Variants in TRIM6 observed in about 807,000 individuals in gnomAD.
TRIM6 encodes tripartite motif containing 6, also known as tripartite motif-containing protein 6.
TRIM6 carries 43 observed loss-of-function variants against 51.2 expected under a neutral mutation model. The ratio of observed to expected loss-of-function variants is 0.84; its 90% CI spans 0.66 to 1.08. TRIM6 has a LOEUF of 1.08. Among genes scored for constraint, TRIM6 ranks in the 50% least tolerant of loss-of-function variants. TRIM6 has a pLI of 0.00. For synonymous variants in TRIM6, 215 were observed against 232.4 expected, an observed-to-expected ratio of 0.93 and a Z score of 0.68; for missense variants, 669 against 619.0, an observed-to-expected ratio of 1.08 and a Z score of -0.86.
chr11:5,596,724 C>T lies in TRIM6; in HGVS notation c.-174C>T, dbSNP rs935139646. The T allele has an allele frequency of 3.0e-6, 3 of 985,710 alleles. No homozygotes were observed. Among genetic ancestry groups the T allele is most frequent in the East Asian group, 2.6e-5 (1 of 38,420 alleles). 61.1% of individuals were successfully genotyped at this position (985,710 alleles called of 1,614,324 possible). A position where few individuals can be genotyped will look rare whatever the true frequency, so the allele number is the denominator to read the frequency against. On this transcript the variant is annotated 5_prime_UTR_variant, in exon 1 of 8. Transcript: ENST00000380097. ...CCAAAGGCTGGCGGAGGAGGGATCC[C>T]CTGCCTTTCTCGGAACGGAACGGAG...
chr11:5,610,479 C>T (rs750436924), intron 6 of TRIM6, 56 bp from the exon 7 acceptor site: 10 of 1,613,296 alleles, frequency 6.2e-6, no homozygotes, highest in East Asian at 2.2e-5. Context: ...GAGAGAGATA[C>T]CAGACATGAG....
intron 1 of TRIM6, 121 bp from the exon 2 acceptor site, chr11:5,603,125 G>C: frequency 6.8e-7 from 1 of 1,478,036 alleles, no homozygotes; most frequent in Non-Finnish European, 9.0e-7. Context: ...TTGGATATGA[G>C]AATGAGAAGC....
At chr11:5,608,342 C>T (rs757415952) in intron 4 of TRIM6, 30 bp from the exon 5 acceptor site, 18 of 1,612,782 alleles carry the variant, frequency 1.1e-5, no homozygotes, top group East Asian at 2.2e-5. Context: ...CCTGTTACTC[C>T]TTGACTTAAC....
intron 4 of TRIM6, among the ~76,000 whole-genome samples, chr11:5,607,936 G>A (rs1483647807): frequency 6.6e-6 from 1 of 152,246 alleles, no homozygotes; most frequent in East Asian, 1.9e-4. Flanking sequence ...GTCAGCAAAG[G>A]TAGGGTAGAA....
intron 5 of TRIM6, among the ~76,000 whole-genome samples, chr11:5,608,659 C>T (rs1411477358): frequency 6.6e-6 from 1 of 151,770 alleles, no homozygotes; most frequent in East Asian, 1.9e-4. Context: ...CCACTGCACT[C>T]CAGCCTGGGA....
chr11:5,605,668 AG>A, intron 4 of TRIM6, 101 bp downstream of exon 4: 1 of 1,401,282 alleles, frequency 7.1e-7, no homozygotes, highest in Non-Finnish European at 9.5e-7. Flanking sequence ...CAGGGACAAG[AG>A]AAAACATTCC....
intron 2 of TRIM6, among the ~76,000 whole-genome samples, chr11:5,604,331 A>G (rs1848071897): frequency 6.6e-6 from 1 of 152,172 alleles, no homozygotes; most frequent in Non-Finnish European, 1.5e-5. Flanking sequence ...CACCTTCCCA[A>G]GGGGGATGGA....
At chr11:5,603,781 G>T (rs749262902) in intron 2 of TRIM6, 46 bp downstream of exon 2, 2 of 1,597,656 alleles carry the variant, frequency 1.3e-6, no homozygotes, top group Non-Finnish European at 1.7e-6. Context: ...AGGGTCTTTG[G>T]CAGGTTTTAA....
At chr11:5,610,000 G>T (rs572852667) in intron 5 of TRIM6, 145 bp from the exon 6 acceptor site, 6 of 743,876 alleles carry the variant, frequency 8.1e-6, no homozygotes, top group Non-Finnish European at 1.3e-5. Flanking sequence ...TCTGGCTCCA[G>T]TGCCAGGGCT....
At chr11:5,607,353 A>G (rs1848287689) in intron 4 of TRIM6, among the ~76,000 whole-genome samples, 2 of 152,244 alleles carry the variant, frequency 1.3e-5, no homozygotes, top group South Asian at 2.1e-4. Context: ...ACAATCCTGG[A>G]TATTTACTGC....
At position 5,603,580 on chromosome 11, in the gene TRIM6, A is replaced by T; in HGVS notation, c.352A>T (p.Lys118Ter). 1 of 1,613,832 alleles carries T rather than the reference A, an allele frequency of 6.2e-7. No individual in the cohort carries two copies. Among genetic ancestry groups the T allele is most frequent in the Non-Finnish European group, 8.5e-7 (1 of 1,179,974 alleles). The change falls in exon 2 of 8, where the codon AAG (lysine) becomes TAG (stop). Residue 118 changes from lysine (K) to a stop codon, truncating the protein, a stop_gained. Coordinates refer to ENST00000380097, the MANE Select transcript of TRIM6 (RefSeq NM_001003818.3). LOFTEE classifies it high-confidence loss of function. Reference protein sequence around the residue: ...RLREVVLGPGKQLKAVLCADH... With the variant: ...RLREVVLGPG ...CAGAGAGGTAGTGTTGGGCCCTGGG[A>T]AGCAGCTGAAAGCAGTTCTTTGTGC...
Position 5,603,496 on chromosome 11 carries a change from A to G in TRIM6, c.268A>G (p.Ser90Gly), listed in dbSNP as rs770442240. The G allele has an allele frequency of 6.2e-7, 1 of 1,614,142 alleles. No homozygotes were observed. Among genetic ancestry groups the G allele is most frequent in the Non-Finnish European group, 8.5e-7 (1 of 1,180,028 alleles). ...GERSCPVCQT[S>G]YQPGNLRPNR... ...AAGAAGCTGCCCTGTGTGCCAGACC[A>G]GCTACCAGCCAGGGAACCTGCGGCC... is the stretch of plus-strand genomic sequence containing the variant. The change falls in exon 2 of 8, where the codon AGC becomes GGC. Residue 90 changes from serine to glycine, a missense_variant. Coordinates refer to ENST00000380097, the MANE Select transcript of TRIM6 (RefSeq NM_001003818.3).
chr11:5,611,141 G>C lies in TRIM6; in HGVS notation c.1350G>C (p.Leu450=). The change falls in exon 8 of 8, where the codon CTG becomes CTC. Residue 450 remains leucine (L), a synonymous_variant. Transcript: ENST00000380097. ...CCTATGAGGATTCTTCCCCTTCCCT[G>C]CTTCTCTCCATGACAGTGCCCCCTC... ...YRAYEDSSPS[L]LLSMTVPPRR... 6.2e-7 allele frequency: 1 copy of C among 1,614,104 alleles called. No individual in the cohort carries two copies. The highest frequency in any genetic ancestry group is 8.5e-7 in the Non-Finnish European group (1 of 1,180,028).
rs1848591400 is a variant in TRIM6 at position 5,611,838 on chromosome 11, G to A, written c.*496G>A. ...TCTTTGACTGATGACAGGTCTTGAG[G>A]TGGATAGGGGGCGCTTTCAGTATTT... On this transcript the variant is annotated 3_prime_UTR_variant, in exon 8 of 8. Coordinates refer to ENST00000380097, the MANE Select transcript of TRIM6 (RefSeq NM_001003818.3). 6.5e-6 allele frequency: 1 copy of A among 153,796 alleles called. No homozygotes were observed. The highest frequency in any genetic ancestry group is 1.4e-5 in the Non-Finnish European group (1 of 69,050). 9.5% of individuals were successfully genotyped at this position (153,796 alleles called of 1,614,324 possible).
At chr11:5,606,260 T>G (rs1469937175) in intron 4 of TRIM6, among the ~76,000 whole-genome samples, 1 of 152,178 alleles carries the variant, frequency 6.6e-6, no homozygotes. Flanking sequence ...GAACTGGTTT[T>G]GGGGGTCTGG....
intron 4 of TRIM6, 37 bp from the exon 5 acceptor site, chr11:5,608,335 G>A: frequency 6.2e-7 from 1 of 1,612,546 alleles, no homozygotes; most frequent in Non-Finnish European, 8.5e-7. Flanking sequence ...GGCATGACCT[G>A]TTACTCCTTG....
intron 3 of TRIM6, 88 bp downstream of exon 3, chr11:5,604,717 G>A (rs1415971049): frequency 1.8e-5 from 25 of 1,366,892 alleles, no homozygotes; most frequent in Admixed American, 2.3e-5. Flanking sequence ...TGTCCTGTCT[G>A]TCCTCTGATG....
chr11:5,609,942 T>TA lies in TRIM6; in HGVS notation c.858-202dup, dbSNP rs569899685. Among the ~76,000 whole-genome samples the TA allele has an allele frequency of 3.2e-4, 48 of 152,262 alleles. No homozygotes were observed. In the South Asian group the frequency reaches 6.8e-3, roughly 22 times the overall value. ...CTTCTCAAAAAAAAAAGTTAAATCTTACACAAGTTTATGTAGATGGTGAGA... is the reference window on the plus strand; with the variant it reads ...CTTCTCAAAAAAAAAAGTTAAATCTTAACACAAGTTTATGTAGATGGTGAGA... On this transcript the variant is annotated intron_variant, in intron 5 of 7. Transcript: ENST00000380097.
intron 1 of TRIM6, among the ~76,000 whole-genome samples, chr11:5,600,874 A>G (rs1283101337): frequency 6.6e-6 from 1 of 151,994 alleles, no homozygotes; most frequent in Non-Finnish European, 1.5e-5. Context: ...CCCAAACACA[A>G]CTCCAGGTAG....
Sources: gnomAD v4.1 joint callset for allele counts (sites outside exome capture counted in the v4.1 genomes callset) on GRCh38, gnomAD v4.1.1 for gene constraint, MANE v1.5 for transcripts, NCBI Gene and HGNC (gene_info 2026-07-23, HGNC 2026-07-21) for gene names.